CEP290: variants seen among roughly 807,000 people sequenced by gnomAD.
The protein encoded by CEP290 is centrosomal protein of 290 kDa.
In CEP290, 317 loss-of-function variants were observed where a neutral mutation model predicts 344.9. The ratio of observed to expected loss-of-function variants is 0.92; its 90% CI spans 0.84 to 1.01. The LOEUF (loss-of-function observed/expected upper bound fraction) is 1.01, where lower values mean the gene tolerates loss of function less well. CEP290 is among the 50% of genes least tolerant of loss of function. The pLI is 0.00. For synonymous variants in CEP290, 932 were observed against 895.8 expected, an observed-to-expected ratio of 1.04 and a Z score of -0.72; for missense variants, 2,754 against 2,761.4, an observed-to-expected ratio of 1.00 and a Z score of 0.06.
intron 6 of CEP290, chr12:88,135,528 T>C (rs2040309032): frequency 6.6e-6 from 1 of 152,174 alleles, no homozygotes; most frequent in Non-Finnish European, 1.5e-5. Flanking sequence ...AAACAGATAA[T>C]GCTCTAAGAG....
intron 19 of CEP290, 29 bp from the exon 20 acceptor site, chr12:88,114,591 G>C: frequency 6.6e-7 from 1 of 1,505,284 alleles, no homozygotes; most frequent in South Asian, 1.3e-5. Flanking sequence ...CTCATTGGAT[G>C]ATCAGATCTT....
chr12:88,119,810 A>T (rs1446867775), intron 15 of CEP290, among the ~76,000 whole-genome samples: 1 of 152,146 alleles, frequency 6.6e-6, no homozygotes, highest in Non-Finnish European at 1.5e-5. Context: ...TGGGAAAAAA[A>T]AAGGTTAATC....
chr12:88,051,364 A>G (rs377528675), intron 52 of CEP290, among the ~76,000 whole-genome samples: 7 of 151,954 alleles, frequency 4.6e-5, no homozygotes, highest in East Asian at 3.9e-4. Flanking sequence ...ATGCCTGGCT[A>G]ATTTTTATAT....
chr12:88,105,711 T>TTATTAAGGA lies in CEP290; in HGVS notation c.2817+963_2817+964insTCCTTAATA, dbSNP rs2038222582. On this transcript the variant is annotated intron_variant, in intron 25 of 53. Transcript: ENST00000552810. ...TAAATTGCTTAATAATGGAGGTATA[T>TTATTAAGGA]GGTTATCTTTTCTTCTTCTTCTTCT... is the stretch of plus-strand genomic sequence containing the variant. Among the ~76,000 whole-genome samples, 3 of 151,720 alleles carry TTATTAAGGA rather than the reference T, an allele frequency of 2.0e-5. No individual in the cohort carries two copies. In the South Asian group the frequency reaches 6.2e-4, roughly 31 times the overall value.
intron 20 of CEP290, among the ~76,000 whole-genome samples, chr12:88,112,945 TG>T (rs528430776): frequency 4.6e-5 from 7 of 152,070 alleles, no homozygotes; most frequent in Non-Finnish European, 7.4e-5. Flanking sequence ...AGATAGCTGT[TG>T]GGGGCACTGA....
chr12:88,114,488 G>A lies in CEP290; in HGVS notation c.1984C>T (p.Gln662Ter), dbSNP rs386834152. 137 of 1,547,552 alleles carry A rather than the reference G, an allele frequency of 8.9e-5. No individual in the cohort carries two copies. Among genetic ancestry groups the A allele is most frequent in the Non-Finnish European group, 1.1e-4 (131 of 1,145,018 alleles). The stretch of plus-strand genomic sequence containing the variant: ...CCTCCTTTAACATCAGGATCTTTCT[G>A]CATTTCCTTAATTGCTTGCAATATT... ...KEILQAIKEM[Q>*]KDPDVKGGET... Residue 662 changes from glutamine (Q) to a stop codon, truncating the protein, a stop_gained, in exon 20 of 54, where the codon CAG (glutamine) becomes TAG (stop). Coordinates refer to ENST00000552810, the MANE Select transcript of CEP290 (RefSeq NM_025114.4). LOFTEE classifies it high-confidence loss of function.
In CEP290 at chr12:88,068,567, A is replaced by G. The variant is rs1055944923; in HGVS notation, c.6090T>C (p.His2030=). Residue 2030 remains histidine (H), a synonymous_variant, in exon 44 of 54, where the codon CAT becomes CAC. Coordinates refer to ENST00000552810, the MANE Select transcript of CEP290 (RefSeq NM_025114.4). ...CCTTTGAAAACTGTTTTTCTAAAGCATGAAGTTTTTCTTGGAGGTATCTAT... is the reference window on the plus strand; with the variant it reads ...CCTTTGAAAACTGTTTTTCTAAAGCGTGAAGTTTTTCTTGGAGGTATCTAT... ...LQNRYLQEKL[H]ALEKQFSKDT... 1.1e-5 allele frequency: 18 copies of G among 1,587,112 alleles called. No individual in the cohort carries two copies. Among genetic ancestry groups the G allele is most frequent in the Non-Finnish European group, 1.5e-5 (17 of 1,168,078 alleles).
chr12:88,054,797 G>A (rs2033866599), intron 50 of CEP290, among the ~76,000 whole-genome samples: 1 of 152,122 alleles, frequency 6.6e-6, no homozygotes, highest in African/African-American at 2.4e-5. Flanking sequence ...TATAGGGTTA[G>A]GGTTAGGGTT....
chr12:88,105,128 T>C (rs1308600388), intron 25 of CEP290, among the ~76,000 whole-genome samples: 1 of 152,210 alleles, frequency 6.6e-6, no homozygotes. Flanking sequence ...AAATGGTTTA[T>C]TCCAAGTATG....
chr12:88,110,955 T>C (rs187140846), intron 22 of CEP290, among the ~76,000 whole-genome samples: 138 of 152,294 alleles, frequency 9.1e-4, no homozygotes, highest in Non-Finnish European at 1.2e-3. Context: ...GAATGAATGG[T>C]ATAAATTGCT....
rs753852812 is a variant in CEP290 at position 88,139,514 on chromosome 12, T to C, written c.231A>G (p.Gly77=). ...GCTTACCAAATTTTGCTTGTTCTTC[T>C]CCAGCTTTTTCTACTTCTTCCAAAG... is the stretch of plus-strand genomic sequence containing the variant. The part of the protein sequence containing the change: ...ELALEEVEKA[G]EEQAKFENQL... Residue 77 remains glycine, a synonymous_variant, in exon 4 of 54, where the codon GGA becomes GGG. Coordinates refer to ENST00000552810, the MANE Select transcript of CEP290 (RefSeq NM_025114.4). 1.6e-5 allele frequency: 26 copies of C among 1,600,386 alleles called. No individual in the cohort carries two copies. The South Asian group carries it at 2.6e-4, about 16-fold the overall frequency.
intron 26 of CEP290, 106 bp from the exon 27 acceptor site, chr12:88,097,105 C>T: frequency 1.6e-6 from 1 of 641,390 alleles, no homozygotes; most frequent in Non-Finnish European, 2.7e-6. Context: ...AACTCACAAT[C>T]CAGTTTTTTA....
At chr12:88,091,328 C>G (rs1443963706) in intron 29 of CEP290, among the ~76,000 whole-genome samples, 1 of 150,554 alleles carries the variant, frequency 6.6e-6, no homozygotes, top group African/African-American at 2.5e-5. Context: ...TGGATTAATG[C>G]ATGTTTTGAT....
intron 5 of CEP290, among the ~76,000 whole-genome samples, chr12:88,138,399 T>C (rs1344748681): frequency 6.6e-6 from 1 of 152,206 alleles, no homozygotes; most frequent in Non-Finnish European, 1.5e-5. Context: ...TCCCAGGAGC[T>C]GGATATACAA....
chr12:88,139,195 T>C lies in CEP290; in HGVS notation c.251-4A>G. 9.0e-7 allele frequency: 1 copy of C among 1,114,774 alleles called. No homozygotes were observed. The highest frequency in any genetic ancestry group is 1.2e-6 in the Non-Finnish European group (1 of 805,454). The allele number at this position is 1,114,774 out of a possible 1,614,324, so 69.1% of individuals were successfully genotyped here. A position where few individuals can be genotyped will look rare whatever the true frequency, so the allele number is the denominator to read the frequency against. On this transcript the variant is annotated splice_region_variant and splice_polypyrimidine_tract_variant and intron_variant, in intron 4 of 53. Transcript: ENST00000552810. The stretch of plus-strand genomic sequence containing the variant: ...ACTTTAGTTTTTAATTGATTTTCTA[T>C]TTTTTTAAAAAAAAAGAAAAACGTT...
rs559435289 is a variant in CEP290, at chr12:88,099,471, A to G, written c.2992-2472T>C. On this transcript the variant is annotated intron_variant, in intron 26 of 53. Coordinates refer to ENST00000552810, the MANE Select transcript of CEP290 (RefSeq NM_025114.4). ...CTTAAGTTCCTTTATTTTTTATTTG[A>G]AAAAACAGAATGCCTATTTACTACA... is the stretch of plus-strand genomic sequence containing the variant. Among the ~76,000 whole-genome samples the G allele has an allele frequency of 6.6e-5, 10 of 152,296 alleles. No individual in the cohort carries two copies. In the South Asian group the frequency reaches 2.1e-3, roughly 32 times the overall value.
In CEP290 at chr12:88,086,038, C is replaced by T. The variant is rs760915898; in HGVS notation, c.4437+1G>A. Reference sequence around the variant, plus strand: ...ATCAAAATGCAAATTCTTCTAATTACCTCTTCTAGTGATTTGCAAGTTGCC... The same window carrying T: ...ATCAAAATGCAAATTCTTCTAATTATCTCTTCTAGTGATTTGCAAGTTGCC... On this transcript the variant is annotated splice_donor_variant, in intron 34 of 53. Coordinates refer to ENST00000552810, the MANE Select transcript of CEP290 (RefSeq NM_025114.4). LOFTEE classifies it high-confidence loss of function. 1.3e-4 allele frequency: 213 copies of T among 1,606,222 alleles called. No homozygotes were observed. The highest frequency in any genetic ancestry group is 1.7e-4 in the Non-Finnish European group (202 of 1,176,168).
intron 52 of CEP290, among the ~76,000 whole-genome samples, chr12:88,052,112 T>C (rs17015421): frequency 0.036 from 5,426 of 152,308 alleles, 148 homozygotes; most frequent in African/African-American, 0.077. Context: ...ATTAGCATAG[T>C]GTCTAGTACA....
At chr12:88,101,115 A>C (rs1341931543) in intron 26 of CEP290, among the ~76,000 whole-genome samples, 1 of 152,114 alleles carries the variant, frequency 6.6e-6, no homozygotes, top group East Asian at 1.9e-4. Context: ...GACAGGAATA[A>C]TGGCTGCCAC....
Sources: gnomAD v4.1 joint callset for allele counts (sites outside exome capture counted in the v4.1 genomes callset) on GRCh38, gnomAD v4.1.1 for gene constraint, MANE v1.5 for transcripts, NCBI Gene and HGNC (gene_info 2026-07-23, HGNC 2026-07-21) for gene names.